The following MXI1 variants were observed in gnomAD, a reference collection of about 807,000 sequenced individuals.
MXI1 encodes the protein max-interacting protein 1.
In MXI1, 18 loss-of-function variants were observed where a neutral mutation model predicts 36.9. The observed-to-expected ratio is 0.49, with a 90% CI of 0.34 to 0.72. The LOEUF (loss-of-function observed/expected upper bound fraction) is 0.72. Among genes scored for constraint, MXI1 ranks in the 30% least tolerant of loss-of-function variants. The pLI is 0.01. For synonymous variants in MXI1, 160 were observed against 146.7 expected, an observed-to-expected ratio of 1.09 and a Z score of -0.65; for missense variants, 304 against 379.1, an observed-to-expected ratio of 0.80 and a Z score of 1.64.
rs544249501 is a variant in MXI1 at position 110,223,822 on chromosome 10, C to CAAA, written c.275-4355_275-4353dup. Among the ~76,000 whole-genome samples the CAAA allele has an allele frequency of 9.0e-4, 98 of 108,844 alleles. No individual in the cohort carries two copies. In the South Asian group the frequency reaches 9.3e-3, roughly 10 times the overall value. The allele number at this position is 108,844 out of a possible 152,430, so 71.4% of individuals were successfully genotyped here. ...AACAGTCCCTTTTTGAAAGCCTTTA[C>CAAA]AAAAAAAAAAAAAAGTTCTTCTGTG... On this transcript the variant is annotated intron_variant, in intron 1 of 5. Transcript: ENST00000332674.
intron 3 of MXI1, among the ~76,000 whole-genome samples, chr10:110,246,681 G>T (rs1855875374): frequency 6.6e-6 from 1 of 152,138 alleles, no homozygotes; most frequent in South Asian, 2.1e-4. Context: ...AGCATTTGAG[G>T]CATGTATAGG....
In MXI1 at chr10:110,285,077, T is replaced by G; in HGVS notation, c.*90T>G. 1.5e-6 allele frequency: 2 copies of G among 1,291,726 alleles called. No individual in the cohort carries two copies. Among genetic ancestry groups the G allele is most frequent in the South Asian group, 1.6e-5 (1 of 61,174 alleles). The allele number at this position is 1,291,726 out of a possible 1,614,324, so 80.0% of individuals were successfully genotyped here. On this transcript the variant is annotated 3_prime_UTR_variant, in exon 6 of 6. Coordinates refer to ENST00000332674, the MANE Select transcript of MXI1 (RefSeq NM_130439.3). The stretch of plus-strand genomic sequence containing the variant: ...CTTAAATTGGGTTCATGATGCAGTC[T>G]CCTCTTTAAAACAAAACAAAACAAA...
intron 3 of MXI1, among the ~76,000 whole-genome samples, chr10:110,246,890 T>A (rs1855885845): frequency 6.6e-6 from 1 of 152,126 alleles, no homozygotes; most frequent in African/African-American, 2.4e-5. Context: ...CAAAAAAGAC[T>A]AAGAAATGAA....
intron 3 of MXI1, chr10:110,257,796 G>T: frequency 2.9e-6 from 1 of 349,964 alleles, no homozygotes. Context: ...AAGAACCAGT[G>T]GAAAGATGCC....
At chr10:110,221,853 G>C (rs1241305245) in intron 1 of MXI1, among the ~76,000 whole-genome samples, 1 of 152,142 alleles carries the variant, frequency 6.6e-6, no homozygotes, top group Non-Finnish European at 1.5e-5. Flanking sequence ...AGCTCGGGCA[G>C]CACCTGAGTC....
intron 1 of MXI1, among the ~76,000 whole-genome samples, chr10:110,222,941 T>C (rs111597586): frequency 0.053 from 8,003 of 152,284 alleles, 320 homozygotes; most frequent in Middle Eastern, 0.15. Flanking sequence ...GAAGTGGCAC[T>C]TCAATTGCTT....
chr10:110,279,547 C>CAGAA (rs138113372), intron 4 of MXI1, among the ~76,000 whole-genome samples: 7,805 of 152,230 alleles, frequency 0.051, 283 homozygotes, highest in Middle Eastern at 0.15. Context: ...TCTTCATACT[C>CAGAA]GGAAGGCAGT....
At chr10:110,227,276 GTGGGAGGGGCGTGCGCGT>G in intron 1 of MXI1, 2 of 896,814 alleles carry the variant, frequency 2.2e-6, no homozygotes, top group Non-Finnish European at 2.6e-6. Flanking sequence ...GCGTGCGCGT[GTGGGAGGGGCGTGCGCGT>G]GTGGGAGGGG....
chr10:110,214,436 C>G (rs1408485340), intron 1 of MXI1, among the ~76,000 whole-genome samples: 1 of 151,988 alleles, frequency 6.6e-6, no homozygotes, highest in Non-Finnish European at 1.5e-5. Context: ...CTGCCTTTCC[C>G]AAGTCTGTCC....
chr10:110,226,275 G>C, intron 1 of MXI1: 2 of 1,497,080 alleles, frequency 1.3e-6, no homozygotes, highest in Non-Finnish European at 1.8e-6. Context: ...TTGGAGCGCC[G>C]GGAGCGAGGT....
intron 1 of MXI1, among the ~76,000 whole-genome samples, chr10:110,225,756 A>G (rs1432850151): frequency 1.3e-5 from 2 of 152,186 alleles, no homozygotes; most frequent in African/African-American, 4.8e-5. Context: ...TCCCAGAAGC[A>G]AAGTCCCGCA....
At chr10:110,213,418 A>G (rs1854555983) in intron 1 of MXI1, among the ~76,000 whole-genome samples, 1 of 152,166 alleles carries the variant, frequency 6.6e-6, no homozygotes, top group African/African-American at 2.4e-5. Flanking sequence ...GGAGTAGGGT[A>G]TTTGTCTTTA....
chr10:110,265,581 C>T (rs1856652913), intron 3 of MXI1, among the ~76,000 whole-genome samples: 2 of 152,122 alleles, frequency 1.3e-5, no homozygotes, highest in Non-Finnish European at 2.9e-5. Flanking sequence ...AACTGACAAG[C>T]ACTTATTAGA....
chr10:110,246,068 T>C (rs554962652), intron 3 of MXI1, among the ~76,000 whole-genome samples: 1 of 152,224 alleles, frequency 6.6e-6, no homozygotes, highest in South Asian at 2.1e-4. Flanking sequence ...ATGCTTGTAA[T>C]CCCAACACTT....
chr10:110,232,850 T>TA (rs1197515492), intron 2 of MXI1, among the ~76,000 whole-genome samples: 1 of 152,204 alleles, frequency 6.6e-6, no homozygotes, highest in Middle Eastern at 3.2e-3. Flanking sequence ...ATTTAAAGAA[T>TA]AAAAATCTCT....
At chr10:110,262,071 T>TA (rs970856282) in intron 3 of MXI1, among the ~76,000 whole-genome samples, 1 of 152,040 alleles carries the variant, frequency 6.6e-6, no homozygotes, top group Non-Finnish European at 1.5e-5. Flanking sequence ...TCATTTATGT[T>TA]AAAAAATAAC....
At chr10:110,282,828 A>T (rs982372402) in intron 5 of MXI1, among the ~76,000 whole-genome samples, 12 of 152,092 alleles carry the variant, frequency 7.9e-5, no homozygotes, top group Non-Finnish European at 1.5e-4. Flanking sequence ...TTGGGTTTTT[A>T]AAAAATTTTT....
intron 5 of MXI1, among the ~76,000 whole-genome samples, chr10:110,281,637 T>G (rs2134476917): frequency 6.6e-6 from 1 of 152,362 alleles, no homozygotes; most frequent in East Asian, 1.9e-4. Context: ...GTGTGTTGTA[T>G]ATATGTACAT....
At chr10:110,273,250 T>C (rs549692275) in intron 3 of MXI1, among the ~76,000 whole-genome samples, 22 of 152,004 alleles carry the variant, frequency 1.4e-4, no homozygotes, top group African/African-American at 5.1e-4. Context: ...GGTTTCACCG[T>C]GTTAGCCACA....
Sources: gnomAD v4.1 joint callset for allele counts (sites outside exome capture counted in the v4.1 genomes callset) on GRCh38, gnomAD v4.1.1 for gene constraint, MANE v1.5 for transcripts, NCBI Gene and HGNC (gene_info 2026-07-23, HGNC 2026-07-21) for gene names.